PTCH1: variants seen among roughly 807,000 people sequenced by gnomAD.
The protein encoded by PTCH1 is protein patched homolog 1.
Under a neutral mutation model 144.6 loss-of-function variants are expected in PTCH1, and 14 were observed. The ratio of observed to expected loss-of-function variants is 0.10; its 90% confidence interval spans 0.06 to 0.15. The LOEUF (loss-of-function observed/expected upper bound fraction) is 0.15, where lower values mean the gene tolerates loss of function less well. Ranked by LOEUF, PTCH1 falls within the 10% of genes least tolerant of loss-of-function variation. PTCH1 has a pLI of 1.00. For missense variants in PTCH1, 1,623 were observed against 1,948.3 expected, an observed-to-expected ratio of 0.83 and a Z score of 3.14; for synonymous variants, 833 against 793.6, an observed-to-expected ratio of 1.05 and a Z score of -0.83.
chr9:95,479,176 C>A, intron 7 of PTCH1, 29 bp from the exon 8 acceptor site: 9 of 1,613,954 alleles, frequency 5.6e-6, no homozygotes, highest in Non-Finnish European at 7.6e-6. Flanking sequence ...GAAGGCACAT[C>A]ATCAGTATTC....
chr9:95,463,182 G>C (rs1263222858), intron 15 of PTCH1, among the ~76,000 whole-genome samples: 1 of 152,154 alleles, frequency 6.6e-6, no homozygotes, highest in Non-Finnish European at 1.5e-5. Context: ...AAAAAAATCT[G>C]GTTGCGTTAG....
intron 3 of PTCH1, chr9:95,482,484 C>A: frequency 2.1e-6 from 1 of 479,614 alleles, no homozygotes; most frequent in Admixed American, 3.6e-5. Flanking sequence ...ATCTTGTTTA[C>A]ACCATTAATC....
chr9:95,510,016 AC>A (rs925238328), upstream of PTCH1, among the ~76,000 whole-genome samples: 4 of 150,978 alleles, frequency 2.6e-5, no homozygotes, highest in Non-Finnish European at 5.9e-5. Context: ...AAAAAAAAAA[AC>A]ACAGTCTTGG....
At chr9:95,471,082 CA>C (rs767837358) in intron 12 of PTCH1, among the ~76,000 whole-genome samples, 134 of 126,564 alleles carry the variant, frequency 1.1e-3, no homozygotes, top group Admixed American at 1.5e-3. Flanking sequence ...GAGTCTGTCT[CA>C]AAAAAAAAAA....
chr9:95,508,107 C>T, intron 1 of PTCH1, 54 bp downstream of exon 1: 1 of 1,603,670 alleles, frequency 6.2e-7, no homozygotes, highest in Admixed American at 1.7e-5. Context: ...CGGGGGCGAT[C>T]CCAAAGAGTT....
intron 12 of PTCH1, among the ~76,000 whole-genome samples, chr9:95,472,486 G>A (rs1259877991): frequency 5.3e-5 from 8 of 152,204 alleles, no homozygotes; most frequent in Non-Finnish European, 1.0e-4. Flanking sequence ...AGATTTTCCA[G>A]ATGTCATCCT....
rs368443462 is a variant in PTCH1 at position 95,455,407 on chromosome 9, T to C, written c.3306+869A>G. Among the ~76,000 whole-genome samples, 143 of 152,356 alleles carry C rather than the reference T, an allele frequency of 9.4e-4. 1 individual carries two copies. Among genetic ancestry groups the C allele is most frequent in the South Asian group, 6.8e-3 (33 of 4,828 alleles). ...TCAAGCCCAGTGCTGGCTTCCTAGC[T>C]AGGGTATTTCGCACGTCGATATTTA... On this transcript the variant is annotated intron_variant, in intron 19 of 23. Coordinates refer to ENST00000331920, the MANE Select transcript of PTCH1 (RefSeq NM_000264.5).
chr9:95,473,942 A>G, intron 12 of PTCH1: 1 of 403,408 alleles, frequency 2.5e-6, no homozygotes, highest in Admixed American at 2.8e-5. Context: ...TTCTACAGTG[A>G]TACTGTGGTG....
chr9:95,462,455 C>G (rs921755614), intron 15 of PTCH1, among the ~76,000 whole-genome samples: 3 of 152,148 alleles, frequency 2.0e-5, no homozygotes, highest in Non-Finnish European at 4.4e-5. Flanking sequence ...AGCAGCTCAG[C>G]TGCTTCTGGA....
At position 95,459,792 on chromosome 9, in the gene PTCH1, A is replaced by G; in HGVS notation, c.2704-9T>C. On this transcript the variant is annotated splice_polypyrimidine_tract_variant and intron_variant, in intron 16 of 23. Transcript: ENST00000331920. ...AGACGCTGTTTAGTCAACTACAAAA[A>G]CGGGAAGAACAGAGGCCTTTGAGAA... 1.2e-6 allele frequency: 2 copies of G among 1,613,928 alleles called. No homozygotes were observed. The highest frequency in any genetic ancestry group is 2.2e-5 in the South Asian group (2 of 91,082).
At chr9:95,472,313 A>T (rs1331915428) in intron 12 of PTCH1, among the ~76,000 whole-genome samples, 3 of 152,172 alleles carry the variant, frequency 2.0e-5, no homozygotes, top group African/African-American at 7.2e-5. Context: ...TTATCCAGTA[A>T]ATCAGATCAA....
chr9:95,449,449 G>C lies in PTCH1; in HGVS notation c.3550-126C>G. The C allele has an allele frequency of 7.5e-7, 1 of 1,341,134 alleles. No homozygotes were observed. The highest frequency in any genetic ancestry group is 1.3e-5 in the South Asian group (1 of 79,030). 83.1% of individuals were successfully genotyped at this position (1,341,134 alleles called of 1,614,324 possible). ...GCCCTGGGGCCCTGCGCACTGTGCCGTATTAACCTCCCCTTCTCTACCACC... is the reference window on the plus strand; with the variant it reads ...GCCCTGGGGCCCTGCGCACTGTGCCCTATTAACCTCCCCTTCTCTACCACC... On this transcript the variant is annotated intron_variant, in intron 21 of 23. Transcript: ENST00000331920. The surrounding 1 kb of genome is among the most constrained non-coding windows in gnomAD (Gnocchi z 5.3).
chr9:95,510,457 TGAGGTG>T (rs1430023240), upstream of PTCH1, among the ~76,000 whole-genome samples: 1 of 152,142 alleles, frequency 6.6e-6, no homozygotes, highest in Non-Finnish European at 1.5e-5. Context: ...CGCGACCCTT[TGAGGTG>T]GATTCTGGAG....
chr9:95,516,797 C>G, exon 1 of PTCH1: 3 of 1,611,760 alleles, frequency 1.9e-6, no homozygotes, highest in Non-Finnish European at 2.5e-6. Flanking sequence ...CAATTACAAG[C>G]CTGTTTCTAT....
intron 23 of PTCH1, 87 bp downstream of exon 23, chr9:95,446,824 T>G: frequency 6.4e-7 from 1 of 1,574,102 alleles, no homozygotes; most frequent in Non-Finnish European, 8.7e-7. Flanking sequence ...CCACAGCCCC[T>G]CGGGGATGCC....
chr9:95,451,420 G>T (rs1046123655), intron 20 of PTCH1: 3 of 152,228 alleles, frequency 2.0e-5, no homozygotes, highest in African/African-American at 7.2e-5. Flanking sequence ...TTAAGTGCTT[G>T]AAAGAGGAAC....
intron 15 of PTCH1, among the ~76,000 whole-genome samples, chr9:95,462,313 C>T (rs1222442035): frequency 1.3e-5 from 2 of 152,176 alleles, no homozygotes; most frequent in East Asian, 1.9e-4. Flanking sequence ...GGCAAGAGTG[C>T]GACGGAAAGA....
upstream of PTCH1, among the ~76,000 whole-genome samples, chr9:95,513,257 G>C (rs1360726806): frequency 6.6e-6 from 1 of 152,208 alleles, no homozygotes; most frequent in Non-Finnish European, 1.5e-5. Context: ...CAAACCAAAT[G>C]AGTCTTTAAA....
intron 20 of PTCH1, 53 bp downstream of exon 20, chr9:95,453,425 C>T (rs1232430588): frequency 1.6e-5 from 26 of 1,610,350 alleles, no homozygotes; most frequent in Non-Finnish European, 2.1e-5. Flanking sequence ...CCACTGCACC[C>T]GGCCCAATCA....
Sources: gnomAD v4.1 joint callset for allele counts (sites outside exome capture counted in the v4.1 genomes callset) on GRCh38, gnomAD v4.1.1 for gene constraint, Gnocchi (gnomAD v3.1) non-coding constraint, MANE v1.5 for transcripts, NCBI Gene and HGNC (gene_info 2026-07-23, HGNC 2026-07-21) for gene names.